PRDM13: variants seen among roughly 807,000 people sequenced by gnomAD.
PRDM13 encodes the protein PR/SET domain 13.
PRDM13 carries 15 observed loss-of-function variants against 36.4 expected under a neutral mutation model. The observed-to-expected ratio is 0.41, with a 90% CI of 0.28 to 0.64. The LOEUF (loss-of-function observed/expected upper bound fraction) is 0.64. Ranked by LOEUF, PRDM13 falls within the 30% of genes least tolerant of loss-of-function variation. The pLI, the probability that PRDM13 is intolerant of heterozygous loss-of-function variation, is 0.29. For synonymous variants in PRDM13, 531 were observed against 467.7 expected, an observed-to-expected ratio of 1.14 and a Z score of -1.75; for missense variants, 1,044 against 1,013.5, an observed-to-expected ratio of 1.03 and a Z score of -0.41.
At position 99,614,691 on chromosome 6, in the gene PRDM13, G is replaced by C; in HGVS notation, c.2056G>C (p.Val686Leu). The C allele has an allele frequency of 6.2e-7, 1 of 1,609,614 alleles. No homozygotes were observed. Among genetic ancestry groups the C allele is most frequent in the Admixed American group, 1.7e-5 (1 of 59,760 alleles). Residue 686 changes from valine (V) to leucine (L), a missense_variant, in exon 4 of 4, where the codon GTG becomes CTG. Val to Leu is a conservative substitution (Grantham distance 32, BLOSUM62 1). Coordinates refer to ENST00000369215, the MANE Select transcript of PRDM13 (RefSeq NM_021620.4). ...GGATCCCAAGAGCGACGACAGTGAC[G>C]TGGACGTCTGCTTCACAGACGACCA... The part of the protein sequence containing the change: ...PGDPKSDDSD[V>L]DVCFTDDQSD...
intron 3 of PRDM13, 114 bp from the exon 4 acceptor site, chr6:99,612,919 C>G: frequency 6.6e-7 from 1 of 1,508,576 alleles, no homozygotes; most frequent in Non-Finnish European, 8.8e-7. Flanking sequence ...ATATTTCACC[C>G]TCTCCCCACA....
In PRDM13 at chr6:99,613,600, C is replaced by T. The variant is rs1166894672; in HGVS notation, c.965C>T (p.Ala322Val). ...YREESSSKQG[A>V]GLALGRLLGG... ...GAGGAGAGCAGCAGCAAGCAAGGAG[C>T]CGGCCTCGCTTTGGGCAGGCTGCTG... The change falls in exon 4 of 4, where the codon GCC (alanine) becomes GTC (valine). Residue 322 changes from alanine (A) to valine (V), a missense_variant. Transcript: ENST00000369215. The surrounding 1 kb of genome is among the most constrained non-coding windows in gnomAD (Gnocchi z 6.1). 1 of 1,491,666 alleles carries T rather than the reference C, an allele frequency of 6.7e-7. No individual in the cohort carries two copies. The highest frequency in any genetic ancestry group is 1.3e-5 in the South Asian group (1 of 79,448). The allele number at this position is 1,491,666 out of a possible 1,614,324, so 92.4% of individuals were successfully genotyped here. A position where few individuals can be genotyped will look rare whatever the true frequency, so the allele number is the denominator to read the frequency against.
At chr6:99,612,850 A>G (rs939475039) in intron 3 of PRDM13, among the ~76,000 whole-genome samples, 183 bp from the exon 4 acceptor site, 3 of 152,164 alleles carry the variant, frequency 2.0e-5, no homozygotes, top group Non-Finnish European at 4.4e-5. Context: ...GGAGACACTG[A>G]TAAGGATTGG....
intron 2 of PRDM13, 70 bp downstream of exon 2, chr6:99,608,942 G>A: frequency 6.5e-7 from 1 of 1,544,796 alleles, no homozygotes; most frequent in Non-Finnish European, 8.7e-7. Flanking sequence ...CGTCCCTGCG[G>A]TGGCCAAAAA....
Position 99,614,830 on chromosome 6 carries a change from T to C in PRDM13, c.*71T>C. 3 of 1,504,220 alleles carry C rather than the reference T, an allele frequency of 2.0e-6. No individual in the cohort carries two copies. Among genetic ancestry groups the C allele is most frequent in the Non-Finnish European group, 2.7e-6 (3 of 1,127,194 alleles). 93.2% of individuals were successfully genotyped at this position (1,504,220 alleles called of 1,614,324 possible). ...GGGTTTATTCTCGCAGTAGAGGAAC[T>C]CCTGGTGGTGGGAAGAGGGACCCAA... On this transcript the variant is annotated 3_prime_UTR_variant, in exon 4 of 4. Transcript: ENST00000369215.
rs201021541 is a variant in PRDM13 at position 99,614,779 on chromosome 6, G to A, written c.*20G>A. The A allele has an allele frequency of 6.4e-7, 1 of 1,552,212 alleles. No homozygotes were observed. The highest frequency in any genetic ancestry group is 8.7e-7 in the Non-Finnish European group (1 of 1,151,300). ...TTGTAACGAGTCTTCCCGGGAAGGGGCGGGGTGAGGACAGAGAGGAGTCGA... is the reference window on the plus strand; with the variant it reads ...TTGTAACGAGTCTTCCCGGGAAGGGACGGGGTGAGGACAGAGAGGAGTCGA... On this transcript the variant is annotated 3_prime_UTR_variant, in exon 4 of 4. Coordinates refer to ENST00000369215, the MANE Select transcript of PRDM13 (RefSeq NM_021620.4).
rs775924494 is a variant in PRDM13 at position 99,614,166 on chromosome 6, G to A, written c.1531G>A (p.Glu511Lys). The A allele has an allele frequency of 1.4e-5, 22 of 1,601,372 alleles. No individual in the cohort carries two copies. Among genetic ancestry groups the A allele is most frequent in the Non-Finnish European group, 1.9e-5 (22 of 1,176,450 alleles). ...TGCAGCGGCCGCCCTAAGCCCCGCC[G>A]AGCTGGGGTCGCTGGCCAGCATCGA... ...GPAAAALSPA[E>K]LGSLASIDRE... Residue 511 changes from glutamate to lysine, a missense_variant, in exon 4 of 4, where the codon GAG becomes AAG. Glu to Lys is a moderately conservative substitution (Grantham distance 56, BLOSUM62 1). Transcript: ENST00000369215.
In PRDM13 at chr6:99,614,136, G is replaced by C. The variant is rs1421239685; in HGVS notation, c.1501G>C (p.Gly501Arg). Residue 501 changes from glycine (G) to arginine (R), a missense_variant, in exon 4 of 4, where the codon GGG (glycine) becomes CGG (arginine). Gly to Arg is a moderately radical substitution (Grantham distance 125). Transcript: ENST00000369215. ...TCCGGAGTCCATCTCCTACTTCAGC[G>C]GGCCTGCAGCGGCCGCCCTAAGCCC... ...KYPESISYFSGPAAAALSPAE... is the reference protein window; with the variant it reads ...KYPESISYFSRPAAAALSPAE... 2 of 1,597,526 alleles carry C rather than the reference G, an allele frequency of 1.3e-6. No homozygotes were observed. The highest frequency in any genetic ancestry group is 2.2e-5 in the South Asian group (2 of 90,568).
Position 99,614,666 on chromosome 6 carries a change from G to A in PRDM13, c.2031G>A (p.Gly677=), listed in dbSNP as rs1157191170. ...GAEPGYPPEP[G]DPKSDDSDVD... is the part of the protein sequence containing the mutation. ...AGCCCGGCTATCCCCCGGAGCCTGG[G>A]GATCCCAAGAGCGACGACAGTGACG... Residue 677 remains glycine (G), a synonymous_variant, in exon 4 of 4, where the codon GGG becomes GGA. Transcript: ENST00000369215. 6.2e-7 allele frequency: 1 copy of A among 1,612,038 alleles called. No homozygotes were observed. The highest frequency in any genetic ancestry group is 1.3e-5 in the African/African-American group (1 of 74,912).
rs1770087636 is a variant in PRDM13 at position 99,614,089 on chromosome 6, A to C, written c.1454A>C (p.His485Pro). 6 of 1,600,338 alleles carry C rather than the reference A, an allele frequency of 3.7e-6. No homozygotes were observed. Among genetic ancestry groups the C allele is most frequent in the Non-Finnish European group, 5.1e-6 (6 of 1,173,976 alleles). ...ATTAYYPLKL[H>P]FGGLLKYPES... ...ACCGCTTATTACCCGCTCAAATTGC[A>C]CTTCGGCGGGCTGCTGAAGTATCCG... Residue 485 changes from histidine to proline, a missense_variant, in exon 4 of 4, where the codon CAC becomes CCC. His to Pro is a moderately conservative substitution (Grantham distance 77). This residue lies in a region of PRDM13 where 921 missense variants were observed against 865.2 expected (regional missense o/e 1.06). Coordinates refer to ENST00000369215, the MANE Select transcript of PRDM13 (RefSeq NM_021620.4).
Position 99,613,551 on chromosome 6 carries a change from G to A in PRDM13, c.916G>A (p.Ala306Thr). The A allele has an allele frequency of 2.0e-6, 3 of 1,497,622 alleles. No individual in the cohort carries two copies. Among genetic ancestry groups the A allele is most frequent in the South Asian group, 1.2e-5 (1 of 80,014 alleles). The allele number at this position is 1,497,622 out of a possible 1,614,324, so 92.8% of individuals were successfully genotyped here. Residue 306 changes from alanine to threonine, a missense_variant, in exon 4 of 4, where the codon GCC becomes ACC. Physicochemically the swap from Ala to Thr is moderately conservative, Grantham distance 58. Coordinates refer to ENST00000369215, the MANE Select transcript of PRDM13 (RefSeq NM_021620.4). The surrounding 1 kb of genome is among the most constrained non-coding windows in gnomAD (Gnocchi z 6.1). Reference sequence around the variant, plus strand: ...CGCCGGCCTAGCGAGGGCGGCGGCGGCCGCTCACGGCGACCCCTACCGGGA... The same window carrying A: ...CGCCGGCCTAGCGAGGGCGGCGGCGACCGCTCACGGCGACCCCTACCGGGA... The part of the protein sequence containing the change: ...KPAGLARAAA[A>T]AHGDPYREES...
At position 99,614,404 on chromosome 6, in the gene PRDM13, T is replaced by G. The variant is rs774026213; in HGVS notation, c.1769T>G (p.Ile590Ser). 1.9e-6 allele frequency: 3 copies of G among 1,613,262 alleles called. No homozygotes were observed. The highest frequency in any genetic ancestry group is 1.1e-5 in the South Asian group (1 of 91,062). ...KLYSRKYGLKIHMRTHTGYKP... is the reference protein window; with the variant it reads ...KLYSRKYGLKSHMRTHTGYKP... ...TACTCGCGCAAGTATGGGCTCAAGA[T>G]CCACATGCGGACGCACACGGGCTAC... is the stretch of plus-strand genomic sequence containing the variant. The change falls in exon 4 of 4, where the codon ATC becomes AGC. Residue 590 changes from isoleucine to serine, a missense_variant. Ile to Ser is a moderately radical substitution (Grantham distance 142). Coordinates refer to ENST00000369215, the MANE Select transcript of PRDM13 (RefSeq NM_021620.4).
rs570441941 is a variant in PRDM13 at position 99,615,463 on chromosome 6, G to A, written c.*704G>A. ...TTCTATTTGGTAGAATACAAATGTG[G>A]TGTGTGTTGTTTTATAATGACTGCT... is the stretch of plus-strand genomic sequence containing the variant. On this transcript the variant is annotated 3_prime_UTR_variant, in exon 4 of 4. Coordinates refer to ENST00000369215, the MANE Select transcript of PRDM13 (RefSeq NM_021620.4). The A allele has an allele frequency of 3.9e-5, 6 of 152,716 alleles. No homozygotes were observed. Among genetic ancestry groups the A allele is most frequent in the African/African-American group, 1.4e-4 (6 of 41,550 alleles). 9.5% of individuals were successfully genotyped at this position (152,716 alleles called of 1,614,324 possible).
chr6:99,607,465 G>C (rs748811124), intron 1 of PRDM13, among the ~76,000 whole-genome samples: 1 of 152,134 alleles, frequency 6.6e-6, no homozygotes, highest in Admixed American at 6.5e-5. Flanking sequence ...TTTCCCCTGC[G>C]CTCTCGGGTC....
chr6:99,613,276 G>A lies in PRDM13; in HGVS notation c.641G>A (p.Gly214Asp). ...GGAACTTTGCGACCCCACCCCCTGG[G>A]CCCGCCACCAGTTCAGGCCTGCGGT... is the stretch of plus-strand genomic sequence containing the variant. ...QAGTLRPHPL[G>D]PPPVQACGAR... is the part of the protein sequence containing the mutation. The change falls in exon 4 of 4, where the codon GGC (glycine) becomes GAC (aspartate). Residue 214 changes from glycine (G) to aspartate (D), a missense_variant. Gly to Asp is a moderately conservative substitution (Grantham distance 94). This residue lies in a region of PRDM13 where 921 missense variants were observed against 865.2 expected (regional missense o/e 1.06). Transcript: ENST00000369215. This position sits in a 1 kb window ranked among gnomAD's most constrained non-coding sequence, Gnocchi z 6.1. 2 of 1,594,184 alleles carry A rather than the reference G, an allele frequency of 1.3e-6. No homozygotes were observed. The highest frequency in any genetic ancestry group is 1.7e-6 in the Non-Finnish European group (2 of 1,171,922).
At chr6:99,609,793 A>G (rs1770006020) in intron 3 of PRDM13, among the ~76,000 whole-genome samples, 3 of 152,062 alleles carry the variant, frequency 2.0e-5, no homozygotes, top group Admixed American at 2.0e-4. Context: ...TGCTGAGGCA[A>G]GAGGATCACT....
In PRDM13 at chr6:99,614,689, A is replaced by G; in HGVS notation, c.2054A>G (p.Asp685Gly). ...GGGGATCCCAAGAGCGACGACAGTGACGTGGACGTCTGCTTCACAGACGAC... is the reference window on the plus strand; with the variant it reads ...GGGGATCCCAAGAGCGACGACAGTGGCGTGGACGTCTGCTTCACAGACGAC... ...EPGDPKSDDSDVDVCFTDDQS... is the reference protein window; with the variant it reads ...EPGDPKSDDSGVDVCFTDDQS... The change falls in exon 4 of 4, where the codon GAC becomes GGC. Residue 685 changes from aspartate to glycine, a missense_variant. Around this residue, in one of 3 missense-constraint regions of PRDM13, gnomAD observed 115 missense variants for 122.1 expected, o/e 0.94. Transcript: ENST00000369215. 6.2e-7 allele frequency: 1 copy of G among 1,609,792 alleles called. No homozygotes were observed. Among genetic ancestry groups the G allele is most frequent in the Non-Finnish European group, 8.5e-7 (1 of 1,178,064 alleles).
At position 99,614,106 on chromosome 6, in the gene PRDM13, A is replaced by T; in HGVS notation, c.1471A>T (p.Lys491Ter). The change falls in exon 4 of 4, where the codon AAG becomes TAG. Residue 491 changes from lysine to a stop codon, truncating the protein, a stop_gained. Coordinates refer to ENST00000369215, the MANE Select transcript of PRDM13 (RefSeq NM_021620.4). LOFTEE classifies it high-confidence loss of function. Reference protein sequence around the residue: ...PLKLHFGGLLKYPESISYFSG... With the variant: ...PLKLHFGGLL ...CAAATTGCACTTCGGCGGGCTGCTG[A>T]AGTATCCGGAGTCCATCTCCTACTT... is the stretch of plus-strand genomic sequence containing the variant. The T allele has an allele frequency of 6.3e-7, 1 of 1,599,338 alleles. No individual in the cohort carries two copies. The highest frequency in any genetic ancestry group is 1.7e-5 in the Admixed American group (1 of 59,376).
rs1211721923 is a variant in PRDM13 at position 99,607,055 on chromosome 6, G to A, written c.21G>A (p.Ala7=). The A allele has an allele frequency of 8.7e-6, 14 of 1,611,552 alleles. No homozygotes were observed. The highest frequency in any genetic ancestry group is 3.3e-5 in the South Asian group (3 of 90,958). MHGAAR[A]PATSVSADCC... ...CAACAATGCACGGAGCCGCCAGAGC[G>A]CCAGCCACCAGCGTGAGTGCCGACT... Residue 7 remains alanine, a synonymous_variant, in exon 1 of 4, where the codon GCG becomes GCA. Coordinates refer to ENST00000369215, the MANE Select transcript of PRDM13 (RefSeq NM_021620.4).
Sources: gnomAD v4.1 joint callset for allele counts (sites outside exome capture counted in the v4.1 genomes callset) on GRCh38, gnomAD v4.1.1 for gene constraint, gnomAD v4.1.1 regional missense constraint, Gnocchi (gnomAD v3.1) non-coding constraint, MANE v1.5 for transcripts, NCBI Gene and HGNC (gene_info 2026-07-23, HGNC 2026-07-21) for gene names.